The following THRB variants were observed in gnomAD, a reference collection of about 807,000 sequenced individuals.
The protein encoded by THRB is thyroid hormone receptor beta.
In THRB, 12 loss-of-function variants were observed where a neutral mutation model predicts 47.8. The observed-to-expected ratio is 0.25, with a 90% confidence interval of 0.16 to 0.41. The LOEUF is 0.41. THRB is among the 10% of genes least tolerant of loss of function. The pLI, the probability that THRB is intolerant of heterozygous loss-of-function variation, is 1.00. For missense variants in THRB, 348 were observed against 589.2 expected, an observed-to-expected ratio of 0.59 and a Z score of 4.24; for synonymous variants, 218 against 212.2, an observed-to-expected ratio of 1.03 and a Z score of -0.24.
chr3:24,407,002 C>T (rs2067878593), intron 1 of THRB, among the ~76,000 whole-genome samples: 1 of 151,840 alleles, frequency 6.6e-6, no homozygotes, highest in Admixed American at 6.6e-5. Context: ...GGAGCTTAAT[C>T]CATGATATTA....
chr3:24,433,110 A>C (rs2070611582), intron 1 of THRB, among the ~76,000 whole-genome samples: 1 of 152,114 alleles, frequency 6.6e-6, no homozygotes, highest in Non-Finnish European at 1.5e-5. Flanking sequence ...AACTCTGTGG[A>C]ATTTACTTAA....
At chr3:24,445,650 G>C (rs1248341094) in intron 1 of THRB, among the ~76,000 whole-genome samples, 1 of 152,016 alleles carries the variant, frequency 6.6e-6, no homozygotes, top group Non-Finnish European at 1.5e-5. Context: ...AATGTGAGGA[G>C]AAATAGTCAC....
intron 4 of THRB, among the ~76,000 whole-genome samples, chr3:24,224,076 A>C (rs1380372049): frequency 1.3e-5 from 2 of 152,218 alleles, no homozygotes; most frequent in Non-Finnish European, 2.9e-5. Flanking sequence ...GGATGTCTCA[A>C]TTGGTCCAAT....
chr3:24,369,231 G>A (rs1480153882), intron 1 of THRB, among the ~76,000 whole-genome samples: 2 of 152,112 alleles, frequency 1.3e-5, no homozygotes, highest in Non-Finnish European at 2.9e-5. Flanking sequence ...GACAGAGGGG[G>A]AAACTAACAT....
chr3:24,357,093 G>A lies in THRB; in HGVS notation c.-260-19722C>T, dbSNP rs940358346. On this transcript the variant is annotated intron_variant, in intron 1 of 10. Transcript: ENST00000646209. ...TGTAAAGGCTCTTATTTATGGTGAG[G>A]CACCTGACCTGAAGATTGAAATAAA... is the stretch of plus-strand genomic sequence containing the variant. Among the ~76,000 whole-genome samples the A allele has an allele frequency of 6.0e-4, 91 of 150,834 alleles. 1 individual carries two copies. The highest frequency in any genetic ancestry group is 5.8e-3 in the Admixed American group (88 of 15,124).
chr3:24,274,315 G>C (rs1341808095), intron 3 of THRB, among the ~76,000 whole-genome samples: 2 of 152,110 alleles, frequency 1.3e-5, no homozygotes, highest in African/African-American at 4.8e-5. Context: ...TGTTTATATG[G>C]ACTTAAATTA....
chr3:24,299,766 CTTTTTTATTTATTTATTTATTTAT>C (rs1306511584), intron 2 of THRB, among the ~76,000 whole-genome samples: 1 of 58,580 alleles, frequency 1.7e-5, no homozygotes, highest in African/African-American at 8.1e-5. Flanking sequence ...GGGAAGTATG[CTTTTTTATTTATTTATTTATTTAT>C]TTTTTTTTTT....
chr3:24,332,296 G>A (rs1463775389), intron 2 of THRB, among the ~76,000 whole-genome samples: 1 of 152,186 alleles, frequency 6.6e-6, no homozygotes, highest in African/African-American at 2.4e-5. Context: ...CATATGCTAA[G>A]AATAGCAATG....
At chr3:24,195,164 A>AT (rs946361177) in intron 4 of THRB, among the ~76,000 whole-genome samples, 20 of 151,656 alleles carry the variant, frequency 1.3e-4, no homozygotes, top group African/African-American at 2.2e-4. Context: ...GCCTCAACTG[A>AT]TTTTTTTTTA....
At chr3:24,252,504 A>G (rs1232394379) in intron 3 of THRB, among the ~76,000 whole-genome samples, 2 of 151,984 alleles carry the variant, frequency 1.3e-5, no homozygotes, top group Non-Finnish European at 1.5e-5. Flanking sequence ...AAAGCCCTAG[A>G]AGAAACCACA....
chr3:24,195,293 A>G (rs938727496), intron 4 of THRB, among the ~76,000 whole-genome samples: 3 of 152,204 alleles, frequency 2.0e-5, no homozygotes, highest in African/African-American at 7.2e-5. Context: ...CTGACAAGGA[A>G]CCTAAAATTA....
chr3:24,206,783 C>G (rs2056788363), intron 4 of THRB, among the ~76,000 whole-genome samples: 1 of 152,070 alleles, frequency 6.6e-6, no homozygotes, highest in Non-Finnish European at 1.5e-5. Context: ...AGAGAAGAAT[C>G]AAATAGATGC....
chr3:24,431,261 T>TACAC (rs199810848), intron 1 of THRB, among the ~76,000 whole-genome samples: 1,735 of 135,730 alleles, frequency 0.013, 32 homozygotes, highest in African/African-American at 0.037. Flanking sequence ...TCTCTCTCTC[T>TACAC]ACACACACAC....
At chr3:24,154,304 C>T (rs528410617) in intron 5 of THRB, among the ~76,000 whole-genome samples, 40 of 152,270 alleles carry the variant, frequency 2.6e-4, no homozygotes, top group South Asian at 1.0e-3. Context: ...GAATGCTTTG[C>T]GCGTTCATTC....
intron 1 of THRB, among the ~76,000 whole-genome samples, chr3:24,341,666 T>C (rs1315062987): frequency 6.6e-6 from 1 of 152,204 alleles, no homozygotes; most frequent in Non-Finnish European, 1.5e-5. Flanking sequence ...TATTCTCCTG[T>C]GCTTTTTGAT....
intron 5 of THRB, among the ~76,000 whole-genome samples, chr3:24,178,858 A>G (rs1286439465): frequency 6.6e-6 from 1 of 152,214 alleles, no homozygotes; most frequent in Non-Finnish European, 1.5e-5. Flanking sequence ...ACAAAAAATG[A>G]TAAGGATATA....
chr3:24,311,941 A>T (rs2057788188), intron 2 of THRB, among the ~76,000 whole-genome samples: 1 of 152,150 alleles, frequency 6.6e-6, no homozygotes, highest in South Asian at 2.1e-4. Context: ...ACAGGCCACC[A>T]ATTACTTCTC....
chr3:24,283,122 C>T lies in THRB; in HGVS notation c.-43+14104G>A, dbSNP rs1279935611. ...TCCTGATACCAAAGCCGGGCAGAGA[C>T]ACAACCAAAAAAGAGAATTTTAGAC... is the stretch of plus-strand genomic sequence containing the variant. On this transcript the variant is annotated intron_variant, in intron 3 of 10. Transcript: ENST00000646209. Among the ~76,000 whole-genome samples the T allele has an allele frequency of 5.9e-5, 9 of 151,310 alleles. No individual in the cohort carries two copies. In the East Asian group the frequency reaches 9.7e-4, roughly 16 times the overall value.
chr3:24,474,321 T>C (rs141443561), intron 1 of THRB, among the ~76,000 whole-genome samples: 1 of 152,322 alleles, frequency 6.6e-6, no homozygotes, highest in African/African-American at 2.4e-5. Context: ...GATACTATCC[T>C]CAAAATTTAG....
Sources: gnomAD v4.1 joint callset for allele counts (sites outside exome capture counted in the v4.1 genomes callset) on GRCh38, gnomAD v4.1.1 for gene constraint, MANE v1.5 for transcripts, NCBI Gene and HGNC (gene_info 2026-07-23, HGNC 2026-07-21) for gene names.